Variants in TMEM278 observed in about 807,000 individuals in gnomAD.
The protein encoded by TMEM278 is transmembrane protein 278.
At chr1:1,430,194 G>A in the TMEM278 span, among the ~76,000 whole-genome samples, 5 of 152,240 alleles carry the variant, frequency 3.3e-5, no homozygotes, top group Admixed American at 1.3e-4. Flanking sequence ...GGGGAGACTC[G>A]GAGATATTTA....
chr1:1,426,112 C>T, the TMEM278 span: 1 of 1,384,134 alleles, frequency 7.2e-7, no homozygotes. Flanking sequence ...GGCCACAGGC[C>T]TGCAGTGGCA....
At chr1:1,427,791 G>T in the TMEM278 span, 1 of 1,377,922 alleles carries the variant, frequency 7.3e-7, no homozygotes, top group East Asian at 3.4e-5. Flanking sequence ...GGTGTGACCC[G>T]GCGGCCGCTG....
At chr1:1,427,695 C>A in the TMEM278 span, 1 of 1,327,990 alleles carries the variant, frequency 7.5e-7, no homozygotes, top group Non-Finnish European at 9.6e-7. Flanking sequence ...CCGGCGCCTC[C>A]GCCCGCTGCT....
the TMEM278 span, chr1:1,427,746 G>T: frequency 7.6e-7 from 1 of 1,307,332 alleles, no homozygotes; most frequent in Non-Finnish European, 9.7e-7. Context: ...CCGCCCCCCG[G>T]GGCGCCCCGA....
the TMEM278 span, chr1:1,427,841 T>A: frequency 1.3e-5 from 17 of 1,329,346 alleles, no homozygotes; most frequent in Non-Finnish European, 1.6e-5. Context: ...CGCGACCCCA[T>A]CGCGTGGCCC....
the TMEM278 span, chr1:1,426,301 C>T: frequency 5.3e-6 from 8 of 1,495,348 alleles, no homozygotes; most frequent in Non-Finnish European, 5.4e-6. Flanking sequence ...TCCTGCTGCA[C>T]CTCCTGCTGC....
the TMEM278 span, chr1:1,426,088 T>C: frequency 5.9e-6 from 8 of 1,353,402 alleles, no homozygotes; most frequent in African/African-American, 3.1e-5. Context: ...CCACTCTGCA[T>C]TGAGCACCGC....
chr1:1,426,079 C>A, the TMEM278 span: 1 of 1,323,038 alleles, frequency 7.6e-7, no homozygotes, highest in Non-Finnish European at 9.7e-7. Flanking sequence ...TGGAGAGCAC[C>A]ACTCTGCATT....
the TMEM278 span, among the ~76,000 whole-genome samples, chr1:1,427,314 A>C: frequency 7.1e-5 from 2 of 28,160 alleles, no homozygotes; most frequent in African/African-American, 1.5e-4. Flanking sequence ...TGACCCACCC[A>C]CACCCTCTCC....
At chr1:1,427,935 G>A in the TMEM278 span, 15 of 629,486 alleles carry the variant, frequency 2.4e-5, no homozygotes, top group Non-Finnish European at 3.1e-5. Context: ...GGCCTCCCCC[G>A]CCCGCAGCCC....
chr1:1,428,564 C>T, the TMEM278 span, among the ~76,000 whole-genome samples: 2 of 152,210 alleles, frequency 1.3e-5, no homozygotes, highest in African/African-American at 4.8e-5. Flanking sequence ...TTCATCAGCT[C>T]TGGAAATCCC....
the TMEM278 span, chr1:1,427,754 C>A: frequency 7.6e-7 from 1 of 1,316,844 alleles, no homozygotes; most frequent in Non-Finnish European, 9.7e-7. Context: ...CGGGGCGCCC[C>A]GACGAGGACG....
the TMEM278 span, chr1:1,426,036 T>C: frequency 7.9e-7 from 1 of 1,265,544 alleles, no homozygotes; most frequent in Non-Finnish European, 1.0e-6. Context: ...GGCTGCAACG[T>C]GGGGCGGGGT....
At chr1:1,427,530 A>ACGAGGACGAGCAACT in the TMEM278 span, 1 of 190,466 alleles carries the variant, frequency 5.3e-6, no homozygotes, top group Non-Finnish European at 5.8e-6. Context: ...CCCGCCCCCC[A>ACGAGGACGAGCAACT]CTGACGGCCC....
the TMEM278 span, among the ~76,000 whole-genome samples, chr1:1,427,182 C>T: frequency 1.3e-5 from 2 of 148,698 alleles, no homozygotes; most frequent in Non-Finnish European, 3.0e-5. Flanking sequence ...TGCACCCCTC[C>T]GTCTCCCTTT....
chr1:1,430,015 A>G, the TMEM278 span, among the ~76,000 whole-genome samples: 1 of 152,070 alleles, frequency 6.6e-6, no homozygotes, highest in Non-Finnish European at 1.5e-5. Flanking sequence ...GCACCACCAC[A>G]CCCAGCTAAT....
the TMEM278 span, among the ~76,000 whole-genome samples, chr1:1,427,112 G>T: frequency 8.4e-6 from 1 of 118,910 alleles, no homozygotes; most frequent in South Asian, 3.2e-4. Context: ...AGCCCGCCAC[G>T]GCCCCTCTAC....
chr1:1,426,002 C>T, the TMEM278 span: 124 of 1,252,410 alleles, frequency 9.9e-5, no homozygotes, highest in Admixed American at 1.7e-4. Flanking sequence ...CCAGGGTCCA[C>T]GGTCTGGCTG....
the TMEM278 span, among the ~76,000 whole-genome samples, chr1:1,427,986 G>T: frequency 8.6e-5 from 12 of 138,748 alleles, no homozygotes; most frequent in South Asian, 2.4e-4. Flanking sequence ...AGAGAGGGGA[G>T]GGGAGGGGAA....
Sources: gnomAD v4.1 joint callset for allele counts (sites outside exome capture counted in the v4.1 genomes callset) on GRCh38, gnomAD v4.1.1 for gene constraint, MANE v1.5 for transcripts, NCBI Gene and HGNC (gene_info 2026-07-23, HGNC 2026-07-21) for gene names.